The following IQCH variants were observed in gnomAD, a reference collection of about 807,000 sequenced individuals.
The protein encoded by IQCH is IQ motif containing H, also known as IQ domain-containing protein H.
In IQCH, 98 loss-of-function variants were observed where a neutral mutation model predicts 117.0. The ratio of observed to expected loss-of-function variants is 0.84; its 90% CI spans 0.71 to 0.99. The LOEUF is 0.99. IQCH is among the 50% of genes least tolerant of loss of function. The pLI is 0.00. For missense variants in IQCH, 1,102 were observed against 1,243.8 expected (o/e 0.89, Z 1.72); for synonymous variants, 412 against 448.2 (o/e 0.92, Z 1.02).
At chr15:67,469,421 G>A (rs559063892) in intron 17 of IQCH, among the ~76,000 whole-genome samples, 2 of 152,306 alleles carry the variant, frequency 1.3e-5, no homozygotes, top group East Asian at 3.9e-4. Context: ...GACATCTCCT[G>A]TACGGGGACA....
intron 4 of IQCH, chr15:67,304,442 A>C (rs1399892368): frequency 2.0e-6 from 3 of 1,502,836 alleles, no homozygotes. Context: ...TATATTAATC[A>C]GAGAAAAGCA....
chr15:67,254,902 A>G lies in IQCH; in HGVS notation c.6A>G (p.Ala2=). The G allele has an allele frequency of 6.2e-7, 1 of 1,613,762 alleles. No individual in the cohort carries two copies. The highest frequency in any genetic ancestry group is 8.5e-7 in the Non-Finnish European group (1 of 1,179,796). ...AGCCGTTCCCTGACCTAGCCATGGC[A>G]CAGAACACTGAAAACCACGACCCTG... M[A]QNTENHDPVG... Residue 2 remains alanine, a synonymous_variant, in exon 1 of 21, where the codon GCA becomes GCG. Coordinates refer to ENST00000335894, the MANE Select transcript of IQCH (RefSeq NM_001031715.3).
chr15:67,394,458 C>G (rs1358096242), intron 12 of IQCH, among the ~76,000 whole-genome samples: 1 of 152,130 alleles, frequency 6.6e-6, no homozygotes, highest in Non-Finnish European at 1.5e-5. Flanking sequence ...CTCGGCAGAT[C>G]CTTATGGCCC....
At chr15:67,379,532 T>C (rs948689486) in intron 10 of IQCH, among the ~76,000 whole-genome samples, 3 of 152,202 alleles carry the variant, frequency 2.0e-5, no homozygotes, top group African/African-American at 7.2e-5. Context: ...ATTGGTAATA[T>C]GGTTTGGTTC....
rs2081787407 is a variant in IQCH at position 67,422,954 on chromosome 15, GT to G, written c.2505+1379del. Among the ~76,000 whole-genome samples, 1 of 152,156 alleles carries G rather than the reference GT, an allele frequency of 6.6e-6. No homozygotes were observed. Among genetic ancestry groups the G allele is most frequent in the Non-Finnish European group, 1.5e-5 (1 of 68,036 alleles). On this transcript the variant is annotated intron_variant, in intron 16 of 20. Coordinates refer to ENST00000335894, the MANE Select transcript of IQCH (RefSeq NM_001031715.3). This position sits in a 1 kb window ranked among gnomAD's most constrained non-coding sequence, Gnocchi z 4.7. The stretch of plus-strand genomic sequence containing the variant: ...TCATCCGCATTGTACATATACTTTG[GT>G]TGTTTTAGGATCATTATTCTCAGTT...
chr15:67,487,406 T>A (rs537334501), intron 18 of IQCH, among the ~76,000 whole-genome samples: 1 of 146,974 alleles, frequency 6.8e-6, no homozygotes. Context: ...GAGGCACTCT[T>A]CCTGAGCACA....
At chr15:67,279,257 G>A in intron 3 of IQCH, 138 bp from the exon 4 acceptor site, 2 of 575,522 alleles carry the variant, frequency 3.5e-6, no homozygotes, top group Non-Finnish European at 6.2e-6. Context: ...AATAAAGATT[G>A]GTTTAATTTA....
At chr15:67,261,851 C>G (rs139380678) in intron 2 of IQCH, among the ~76,000 whole-genome samples, 6 of 152,048 alleles carry the variant, frequency 3.9e-5, no homozygotes, top group Non-Finnish European at 8.8e-5. Context: ...TTTGGGAGGC[C>G]AAGGCAGGCA....
chr15:67,267,260 G>T (rs1418298906), intron 3 of IQCH, among the ~76,000 whole-genome samples: 2 of 152,178 alleles, frequency 1.3e-5, no homozygotes, highest in Admixed American at 6.5e-5. Context: ...TGTGTCACCT[G>T]GGATGTGGGT....
chr15:67,255,401 C>T (rs1965118307), intron 1 of IQCH: 1 of 160,120 alleles, frequency 6.2e-6, no homozygotes, highest in African/African-American at 2.4e-5. Flanking sequence ...CTAAATGTTC[C>T]TCATTGGAGA....
rs374082473 is a variant in IQCH, at chr15:67,390,781, G to A, written c.1632+1775G>A. On this transcript the variant is annotated intron_variant, in intron 12 of 20. Transcript: ENST00000335894. This position sits in a 1 kb window ranked among gnomAD's most constrained non-coding sequence, Gnocchi z 5.0. ...TGGGGTTACAGGTGTGAGCCACCGC[G>A]CCCAGCCCAGTTTCTCATTTGATTC... Among the ~76,000 whole-genome samples, 46 of 152,226 alleles carry A rather than the reference G, an allele frequency of 3.0e-4. No individual in the cohort carries two copies. The South Asian group carries it at 3.3e-3, about 11-fold the overall frequency.
At chr15:67,355,559 C>T (rs1969858077) in intron 6 of IQCH, among the ~76,000 whole-genome samples, 1 of 150,780 alleles carries the variant, frequency 6.6e-6, no homozygotes, top group Admixed American at 6.6e-5. Flanking sequence ...CACTGCACTC[C>T]AGCCCGGGCG....
In IQCH at chr15:67,479,377, C is replaced by T. The variant is rs1280683825; in HGVS notation, c.2799+3559C>T. On this transcript the variant is annotated intron_variant, in intron 18 of 20. Transcript: ENST00000335894. This position sits in a 1 kb window ranked among gnomAD's most constrained non-coding sequence, Gnocchi z 4.6. ...GTCTACAAAGTCAAGCATGATTCTTCGTCTTACACAAGGTGTCCCCTATAT... is the reference window on the plus strand; with the variant it reads ...GTCTACAAAGTCAAGCATGATTCTTTGTCTTACACAAGGTGTCCCCTATAT... 3.3e-5 allele frequency among the ~76,000 whole-genome samples: 5 copies of T among 152,164 alleles called. No homozygotes were observed. The highest frequency in any genetic ancestry group is 7.4e-5 in the Non-Finnish European group (5 of 68,024).
At chr15:67,303,049 TGGA>T (rs1967129107) in intron 4 of IQCH, among the ~76,000 whole-genome samples, 3 of 152,208 alleles carry the variant, frequency 2.0e-5, no homozygotes, top group Non-Finnish European at 2.9e-5. Flanking sequence ...AAGAAATAGA[TGGA>T]TCATGAACAA....
chr15:67,380,658 T>C (rs970230118), intron 10 of IQCH, among the ~76,000 whole-genome samples: 1 of 152,256 alleles, frequency 6.6e-6, no homozygotes, highest in African/African-American at 2.4e-5. Context: ...AGTTTTCTTA[T>C]GAATTGGAGC....
chr15:67,335,846 T>A (rs1367905076), intron 4 of IQCH, among the ~76,000 whole-genome samples: 1 of 152,224 alleles, frequency 6.6e-6, no homozygotes, highest in African/African-American at 2.4e-5. Flanking sequence ...AAGTGTTTGA[T>A]GTTCATGGTG....
In IQCH at chr15:67,365,272, G is replaced by A. The variant is rs377554454; in HGVS notation, c.753+5387G>A. Among the ~76,000 whole-genome samples, 5 of 152,252 alleles carry A rather than the reference G, an allele frequency of 3.3e-5. No individual in the cohort carries two copies. The highest frequency in any genetic ancestry group is 6.5e-5 in the Admixed American group (1 of 15,288). ...GTGGAACTTCTTGATCAAAGGGTAT[G>A]GACATTTTTGTATCTCAGTAGCCAA... On this transcript the variant is annotated intron_variant, in intron 8 of 20. Coordinates refer to ENST00000335894, the MANE Select transcript of IQCH (RefSeq NM_001031715.3). This position sits in a 1 kb window ranked among gnomAD's most constrained non-coding sequence, Gnocchi z 4.4.
chr15:67,394,821 G>A (rs1303172135), intron 12 of IQCH, among the ~76,000 whole-genome samples: 2 of 152,216 alleles, frequency 1.3e-5, no homozygotes, highest in East Asian at 3.9e-4. Flanking sequence ...TTGGAAGGAG[G>A]GTGTCGGGTC....
intron 19 of IQCH, among the ~76,000 whole-genome samples, chr15:67,492,596 G>C (rs556343320): frequency 5.9e-5 from 9 of 152,310 alleles, no homozygotes; most frequent in African/African-American, 2.2e-4. Flanking sequence ...CACTCAGAGA[G>C]GAGGCCACTT....
Sources: allele counts gnomAD v4.1 joint callset (sites outside exome capture counted in the v4.1 genomes callset), GRCh38; gene constraint gnomAD v4.1.1; non-coding constraint Gnocchi (gnomAD v3.1); transcripts MANE v1.5; gene names NCBI Gene and HGNC (gene_info 2026-07-23, HGNC 2026-07-21).